Variants in CSMD1 observed in about 807,000 individuals in gnomAD.
CSMD1 encodes the protein CUB and sushi domain-containing protein 1.
In CSMD1, 213 loss-of-function variants were observed where a neutral mutation model predicts 417.5. That is an observed-to-expected ratio of 0.51 (90% CI 0.46 to 0.57). The LOEUF is 0.57. CSMD1 is among the 20% of genes least tolerant of loss of function. The pLI, the probability that CSMD1 is intolerant of heterozygous loss-of-function variation, is 0.00. For synonymous variants in CSMD1, 2,862 were observed against 1,736.8 expected, an observed-to-expected ratio of 1.65 and a Z score of -16.11; for missense variants, 6,923 against 4,529.7, an observed-to-expected ratio of 1.53 and a Z score of -15.17.
chr8:3,021,336 C>T (rs1809366926), intron 51 of CSMD1, among the ~76,000 whole-genome samples: 1 of 152,158 alleles, frequency 6.6e-6, no homozygotes, highest in Non-Finnish European at 1.5e-5. Context: ...CCAGAGTTTC[C>T]TTGTATGGTA....
At chr8:3,512,456 C>T (rs1469127959) in intron 10 of CSMD1, among the ~76,000 whole-genome samples, 1 of 152,028 alleles carries the variant, frequency 6.6e-6, no homozygotes, top group Non-Finnish European at 1.5e-5. Context: ...GAGCAATGTG[C>T]CCATGACACC....
chr8:3,911,490 T>C (rs1003206340), intron 5 of CSMD1, among the ~76,000 whole-genome samples: 5 of 148,500 alleles, frequency 3.4e-5, no homozygotes, highest in Non-Finnish European at 3.0e-5. Flanking sequence ...ATTGCGCCAC[T>C]GCACTCCAGC....
At chr8:3,072,746 G>A (rs565582381) in intron 49 of CSMD1, among the ~76,000 whole-genome samples, 1 of 152,136 alleles carries the variant, frequency 6.6e-6, no homozygotes, top group Non-Finnish European at 1.5e-5. Context: ...AAGGCATGAG[G>A]TTCTTCCATT....
At chr8:4,479,915 G>A (rs190501630) in intron 2 of CSMD1, among the ~76,000 whole-genome samples, 1 of 150,562 alleles carries the variant, frequency 6.6e-6, no homozygotes, top group Admixed American at 6.6e-5. Flanking sequence ...GCAGTGAGCC[G>A]AGATGGAGCC....
At chr8:4,846,911 C>T (rs1196429477) in intron 1 of CSMD1, among the ~76,000 whole-genome samples, 1 of 151,850 alleles carries the variant, frequency 6.6e-6, no homozygotes. Flanking sequence ...AAACTAAAAA[C>T]CATGTGCTTC....
intron 12 of CSMD1, among the ~76,000 whole-genome samples, chr8:3,458,934 G>C (rs1321551547): frequency 6.6e-6 from 1 of 152,176 alleles, no homozygotes; most frequent in Non-Finnish European, 1.5e-5. Context: ...ACATTGGAAG[G>C]AATTTCCATC....
intron 2 of CSMD1, among the ~76,000 whole-genome samples, chr8:4,437,205 C>T (rs991866477): frequency 1.3e-5 from 2 of 152,184 alleles, no homozygotes; most frequent in African/African-American, 4.8e-5. Flanking sequence ...CAAATCAAAT[C>T]AATGACTGAC....
chr8:4,166,300 T>C (rs188136439), intron 3 of CSMD1, among the ~76,000 whole-genome samples: 1 of 152,236 alleles, frequency 6.6e-6, no homozygotes, highest in Non-Finnish European at 1.5e-5. Context: ...ATGGAATATT[T>C]TGTATTATCT....
chr8:4,961,986 A>T (rs4480138), intron 1 of CSMD1, among the ~76,000 whole-genome samples: 110,812 of 151,854 alleles, frequency 0.73, 41,494 homozygotes, highest in African/African-American at 0.9. Context: ...AAAATCCTGT[A>T]CATGGATACA....
At chr8:3,640,504 T>C (rs933780214) in intron 7 of CSMD1, among the ~76,000 whole-genome samples, 2 of 152,184 alleles carry the variant, frequency 1.3e-5, no homozygotes, top group Non-Finnish European at 2.9e-5. Flanking sequence ...AATGGAAAAT[T>C]GTGTAGGTTA....
intron 18 of CSMD1, among the ~76,000 whole-genome samples, chr8:3,385,126 T>G (rs1810924950): frequency 2.7e-5 from 1 of 37,336 alleles, no homozygotes; most frequent in Non-Finnish European, 6.0e-5. Context: ...ATATAATATA[T>G]AAATATATAA....
chr8:3,499,043 G>A (rs975466753), intron 10 of CSMD1, among the ~76,000 whole-genome samples: 2 of 152,148 alleles, frequency 1.3e-5, no homozygotes, highest in Non-Finnish European at 2.9e-5. Context: ...TCCCTTGGGG[G>A]TGTCATGTTT....
At chr8:4,407,743 C>G (rs930241831) in intron 3 of CSMD1, among the ~76,000 whole-genome samples, 10 of 152,136 alleles carry the variant, frequency 6.6e-5, no homozygotes, top group African/African-American at 2.2e-4. Context: ...TGCATGTAAG[C>G]ATTCCTTTAA....
intron 5 of CSMD1, among the ~76,000 whole-genome samples, chr8:3,857,503 C>T (rs963201456): frequency 6.6e-6 from 1 of 152,128 alleles, no homozygotes; most frequent in East Asian, 1.9e-4. Context: ...TACCTAAGTC[C>T]AGAAATAGTA....
At chr8:4,685,009 C>T (rs566185138) in intron 1 of CSMD1, among the ~76,000 whole-genome samples, 7 of 152,244 alleles carry the variant, frequency 4.6e-5, no homozygotes, top group Non-Finnish European at 7.4e-5. Context: ...CATAGAACAA[C>T]GGGACTCAGA....
At chr8:3,618,247 C>G (rs1243200138) in intron 7 of CSMD1, among the ~76,000 whole-genome samples, 1 of 152,156 alleles carries the variant, frequency 6.6e-6, no homozygotes, top group Non-Finnish European at 1.5e-5. Flanking sequence ...TCAAGTGACA[C>G]TCGCACTGTG....
At chr8:3,244,601 G>T (rs892806988) in intron 26 of CSMD1, among the ~76,000 whole-genome samples, 1 of 152,174 alleles carries the variant, frequency 6.6e-6, no homozygotes, top group African/African-American at 2.4e-5. Context: ...ATAGACACAC[G>T]TTGAACCCAA....
intron 4 of CSMD1, among the ~76,000 whole-genome samples, chr8:4,000,314 G>T (rs181857002): frequency 6.6e-6 from 1 of 152,332 alleles, no homozygotes; most frequent in African/African-American, 2.4e-5. Context: ...TGCCCAGCTC[G>T]CCACAGTTTT....
At chr8:4,338,659 G>A (rs1474445993) in intron 3 of CSMD1, among the ~76,000 whole-genome samples, 1 of 152,038 alleles carries the variant, frequency 6.6e-6, no homozygotes, top group Non-Finnish European at 1.5e-5. Context: ...ATGTGCTCAC[G>A]GGTGAGTCAG....
Sources: gnomAD v4.1 joint callset for allele counts (sites outside exome capture counted in the v4.1 genomes callset) on GRCh38, gnomAD v4.1.1 for gene constraint, MANE v1.5 for transcripts, NCBI Gene and HGNC (gene_info 2026-07-23, HGNC 2026-07-21) for gene names.